The following IGFL2 variants were observed in gnomAD, a reference collection of about 807,000 sequenced individuals.
IGFL2 encodes the protein IGF like family member 2.
In IGFL2, 7 loss-of-function variants were observed where a neutral mutation model predicts 13.9. The observed-to-expected ratio is 0.51, with a 90% CI of 0.29 to 0.95. The LOEUF (loss-of-function observed/expected upper bound fraction) is 0.95. IGFL2 is among the 40% of genes least tolerant of loss of function. IGFL2 has a pLI of 0.08. For synonymous variants in IGFL2, 55 were observed against 55.8 expected (o/e 0.99, Z 0.07); for missense variants, 138 against 147.8 (o/e 0.93, Z 0.34).
the IGFL2 span, among the ~76,000 whole-genome samples, chr19:46,192,925 C>T: frequency 6.6e-6 from 1 of 152,018 alleles, no homozygotes; most frequent in Non-Finnish European, 1.5e-5. Context: ...CATGGTGGCT[C>T]ATGCCTGTAA....
chr19:46,170,961 T>C, the IGFL2 span, among the ~76,000 whole-genome samples: 1 of 152,196 alleles, frequency 6.6e-6, no homozygotes, highest in Non-Finnish European at 1.5e-5. Context: ...CCTTGTGATC[T>C]TTTGTCGCCC....
At chr19:46,182,718 G>A in the IGFL2 span, among the ~76,000 whole-genome samples, 6 of 152,004 alleles carry the variant, frequency 3.9e-5, no homozygotes, top group East Asian at 1.9e-4. Flanking sequence ...TTTCATTGCC[G>A]AGCAGGACTT....
chr19:46,175,774 C>T, the IGFL2 span, among the ~76,000 whole-genome samples: 14 of 151,518 alleles, frequency 9.2e-5, no homozygotes, highest in African/African-American at 3.4e-4. Context: ...CTCCTGACCT[C>T]AAGTGATCCT....
chr19:46,205,824 G>A, the IGFL2 span, among the ~76,000 whole-genome samples: 14 of 152,244 alleles, frequency 9.2e-5, no homozygotes, highest in Admixed American at 3.9e-4. Context: ...CGTTAAACAC[G>A]TGGCTTTGGC....
At chr19:46,187,548 A>G in the IGFL2 span, among the ~76,000 whole-genome samples, 6 of 89,260 alleles carry the variant, frequency 6.7e-5, no homozygotes, top group Non-Finnish European at 1.3e-4. Flanking sequence ...AACCCGTTTA[A>G]ACCTGAGGTT....
the IGFL2 span, among the ~76,000 whole-genome samples, chr19:46,201,437 T>C: frequency 2.0e-5 from 3 of 152,212 alleles, no homozygotes; most frequent in Non-Finnish European, 4.4e-5. Flanking sequence ...ATTCTTGAAA[T>C]AGTAGCTCAA....
chr19:46,113,400 G>A, the IGFL2 span: 2 of 398,934 alleles, frequency 5.0e-6, no homozygotes, highest in Admixed American at 5.9e-5. Flanking sequence ...TCAATCATGG[G>A]GACATTTGGA....
the IGFL2 span, chr19:46,197,335 C>T: frequency 6.0e-6 from 1 of 166,172 alleles, no homozygotes. Context: ...GGGCTGCATG[C>T]CTGTTCTGCC....
chr19:46,155,799 G>T (rs1487361013), intron 1 of IGFL2, among the ~76,000 whole-genome samples: 1 of 152,176 alleles, frequency 6.6e-6, no homozygotes, highest in African/African-American at 2.4e-5. Flanking sequence ...GATTGTCTGT[G>T]TGTGGATCTG....
At chr19:46,108,364 G>A in the IGFL2 span, among the ~76,000 whole-genome samples, 4 of 152,308 alleles carry the variant, frequency 2.6e-5, no homozygotes, top group Non-Finnish European at 4.4e-5. Context: ...TCTAGGTCTT[G>A]TAGAATGGAG....
chr19:46,124,774 CA>C, the IGFL2 span: 2 of 794,972 alleles, frequency 2.5e-6, no homozygotes, highest in African/African-American at 3.4e-5. Context: ...CTGATCATGC[CA>C]CCTGCAGTCT....
the IGFL2 span, among the ~76,000 whole-genome samples, chr19:46,172,757 A>T: frequency 6.6e-6 from 1 of 152,174 alleles, no homozygotes; most frequent in Admixed American, 6.5e-5. Context: ...TCGCTCTGTC[A>T]TGTAGACTGG....
chr19:46,167,215 G>A, the IGFL2 span, among the ~76,000 whole-genome samples: 1 of 152,156 alleles, frequency 6.6e-6, no homozygotes, highest in Admixed American at 6.5e-5. Context: ...CCCTCCGTTT[G>A]GGGTCCCTGA....
chr19:46,173,597 C>T, the IGFL2 span: 2 of 152,204 alleles, frequency 1.3e-5, no homozygotes, highest in Non-Finnish European at 2.9e-5. Flanking sequence ...ATGTCAGACT[C>T]AAGTCACCAG....
In IGFL2 at chr19:46,160,995, C is replaced by T. The variant is rs1241344103; in HGVS notation, c.342-75C>T. The T allele has an allele frequency of 4.5e-6, 7 of 1,539,570 alleles. No individual in the cohort carries two copies. The African/African-American group carries it at 9.5e-5, about 21-fold the overall frequency. ...GAGCCCTGGCCCTGTAGTCTAATCT[C>T]TAGCAGTTTCTCAAATATTTTCAGT... On this transcript the variant is annotated intron_variant, in intron 3 of 3. Coordinates refer to ENST00000377693, the MANE Select transcript of IGFL2 (RefSeq NM_001135113.2).
chr19:46,150,020 C>T (rs913039180), intron 1 of IGFL2, among the ~76,000 whole-genome samples: 3 of 152,158 alleles, frequency 2.0e-5, no homozygotes, highest in Non-Finnish European at 2.9e-5. Context: ...CATTTCTCTC[C>T]AGATTCTTCA....
the IGFL2 span, among the ~76,000 whole-genome samples, chr19:46,091,060 T>C: frequency 5.4e-3 from 817 of 152,326 alleles, 3 homozygotes; most frequent in Non-Finnish European, 8.9e-3. Context: ...TCTTTTCTTA[T>C]TATGCTATAA....
upstream of IGFL2, among the ~76,000 whole-genome samples, chr19:46,145,721 G>T (rs1973102738): frequency 2.6e-5 from 4 of 151,524 alleles, no homozygotes; most frequent in Admixed American, 2.6e-4. Context: ...GTTTTAATTT[G>T]TAGTTCCAGT....
chr19:46,208,182 C>T, the IGFL2 span: 6 of 152,406 alleles, frequency 3.9e-5, no homozygotes, highest in South Asian at 1.0e-3. Flanking sequence ...TTGTCAGCTT[C>T]CCAGCCCTTC....
Sources: gnomAD v4.1 joint callset for allele counts (sites outside exome capture counted in the v4.1 genomes callset) on GRCh38, gnomAD v4.1.1 for gene constraint, MANE v1.5 for transcripts, NCBI Gene and HGNC (gene_info 2026-07-23, HGNC 2026-07-21) for gene names.